The following RAD23B variants were observed in gnomAD, a reference collection of about 807,000 sequenced individuals.
RAD23B encodes the protein lysine-specific demethylase RAD23B.
RAD23B carries 5 observed loss-of-function variants against 49.1 expected under a neutral mutation model. The observed-to-expected ratio is 0.10, with a 90% CI of 0.05 to 0.21. The LOEUF is 0.21. Among genes scored for constraint, RAD23B ranks in the 10% least tolerant of loss-of-function variants. The probability of loss-of-function intolerance (pLI) is 1.00; values close to 1 mark genes in which losing one functional copy is unlikely to be tolerated. For missense variants in RAD23B, 356 were observed against 486.7 expected (o/e 0.73, Z 2.53); for synonymous variants, 184 against 165.4 (o/e 1.11, Z -0.86).
chr9:107,302,862 T>C (rs1826686426), intron 3 of RAD23B, among the ~76,000 whole-genome samples: 1 of 152,054 alleles, frequency 6.6e-6, no homozygotes, highest in Non-Finnish European at 1.5e-5. Flanking sequence ...TTCACCGTGT[T>C]AGCCAGGATG....
At chr9:107,287,727 A>G (rs140079074) in intron 1 of RAD23B, among the ~76,000 whole-genome samples, 2,180 of 150,068 alleles carry the variant, frequency 0.015, 40 homozygotes, top group Middle Eastern at 0.051. Flanking sequence ...CCAGCCACTT[A>G]GGAGGCTGAG....
At chr9:107,311,549 T>G (rs1378479476) in intron 4 of RAD23B, 133 bp from the exon 5 acceptor site, 2 of 642,806 alleles carry the variant, frequency 3.1e-6, no homozygotes, top group Non-Finnish European at 5.0e-6. Context: ...AGAGACAGTT[T>G]AAATACTGTA....
chr9:107,331,969 T>C lies in RAD23B; in HGVS notation c.*2313T>C. On this transcript the variant is annotated 3_prime_UTR_variant, in exon 10 of 10. Transcript: ENST00000358015. ...TAAGTAGCTATTTGACTTTGGAATT[T>C]TGCATTCGAGGTATACTGTCATTTC... 2.4e-6 allele frequency: 1 copy of C among 417,584 alleles called. No individual in the cohort carries two copies. The allele number at this position is 417,584 out of a possible 1,614,324, so 25.9% of individuals were successfully genotyped here.
At chr9:107,313,242 T>C (rs918557272) in intron 5 of RAD23B, among the ~76,000 whole-genome samples, 4 of 152,116 alleles carry the variant, frequency 2.6e-5, no homozygotes, top group African/African-American at 9.7e-5. Context: ...CCTTTCCTTT[T>C]CCTTTCGTAG....
At chr9:107,316,089 A>G (rs953862927) in intron 5 of RAD23B, among the ~76,000 whole-genome samples, 1 of 151,870 alleles carries the variant, frequency 6.6e-6, no homozygotes, top group African/African-American at 2.4e-5. Flanking sequence ...GGCTCACTGC[A>G]ATCTCCGCCT....
At position 107,329,725 on chromosome 9, in the gene RAD23B, G is replaced by A; in HGVS notation, c.*69G>A. On this transcript the variant is annotated 3_prime_UTR_variant, in exon 10 of 10. Transcript: ENST00000358015. ...CTAACTTGTTCACTGGATTGTCTGG[G>A]ATGACTTGGGCTCATATCCACAATA... 1 of 863,074 alleles carries A rather than the reference G, an allele frequency of 1.2e-6. No individual in the cohort carries two copies. Among genetic ancestry groups the A allele is most frequent in the Non-Finnish European group, 1.7e-6 (1 of 582,786 alleles). 53.5% of individuals were successfully genotyped at this position (863,074 alleles called of 1,614,324 possible). A position where few individuals can be genotyped will look rare whatever the true frequency, so the allele number is the denominator to read the frequency against.
chr9:107,325,712 C>A (rs932067356), intron 9 of RAD23B, among the ~76,000 whole-genome samples: 5 of 152,256 alleles, frequency 3.3e-5, no homozygotes, highest in Non-Finnish European at 4.4e-5. Context: ...TACTTCTTTT[C>A]CAATATGGAT....
At chr9:107,316,034 A>T (rs1826986468) in intron 5 of RAD23B, among the ~76,000 whole-genome samples, 1 of 147,480 alleles carries the variant, frequency 6.8e-6, no homozygotes, top group Non-Finnish European at 1.5e-5. Context: ...TTTTTTGGAG[A>T]CAGTCTTGCT....
intron 7 of RAD23B, among the ~76,000 whole-genome samples, chr9:107,323,332 C>G (rs545363384): frequency 6.6e-6 from 1 of 152,034 alleles, no homozygotes; most frequent in Admixed American, 6.6e-5. Flanking sequence ...TGGTAATAAC[C>G]GGAAGTCTTC....
intron 3 of RAD23B, among the ~76,000 whole-genome samples, chr9:107,304,055 AAGGG>A (rs749146618): frequency 3.9e-5 from 6 of 152,156 alleles, no homozygotes; most frequent in Non-Finnish European, 5.9e-5. Context: ...CAACTATGAA[AAGGG>A]AGGGAATGCT....
At chr9:107,317,083 C>T (rs1215317196) in intron 5 of RAD23B, among the ~76,000 whole-genome samples, 4 of 99,214 alleles carry the variant, frequency 4.0e-5, no homozygotes, top group African/African-American at 2.0e-4. Flanking sequence ...AGGGGTTTTG[C>T]GCACACGCGT....
chr9:107,315,449 A>T (rs1315262470), intron 5 of RAD23B, among the ~76,000 whole-genome samples: 1 of 152,146 alleles, frequency 6.6e-6, no homozygotes, highest in Non-Finnish European at 1.5e-5. Flanking sequence ...AAGGTTCTTC[A>T]TCACCACCTC....
intron 3 of RAD23B, among the ~76,000 whole-genome samples, chr9:107,303,951 C>G (rs1437997956): frequency 6.6e-6 from 1 of 152,154 alleles, no homozygotes; most frequent in African/African-American, 2.4e-5. Context: ...ATATTGCATA[C>G]AGTCCTTTTG....
At chr9:107,302,664 T>G (rs1213190296) in intron 3 of RAD23B, among the ~76,000 whole-genome samples, 1 of 151,028 alleles carries the variant, frequency 6.6e-6, no homozygotes, top group Non-Finnish European at 1.5e-5. Flanking sequence ...TGTTTTGTTT[T>G]TTTTTTTTTG....
intron 3 of RAD23B, among the ~76,000 whole-genome samples, chr9:107,302,792 A>G (rs1826684408): frequency 6.6e-6 from 1 of 151,814 alleles, no homozygotes; most frequent in Non-Finnish European, 1.5e-5. Context: ...AGTAGCTGGG[A>G]CTACAGGCGC....
chr9:107,298,747 C>A (rs1450663836), intron 1 of RAD23B, among the ~76,000 whole-genome samples: 1 of 150,622 alleles, frequency 6.6e-6, no homozygotes, highest in African/African-American at 2.4e-5. Context: ...ACTTTTTTTG[C>A]AAAAAATAAC....
chr9:107,294,497 G>C (rs1833448954), intron 1 of RAD23B, among the ~76,000 whole-genome samples: 1 of 152,188 alleles, frequency 6.6e-6, no homozygotes, highest in African/African-American at 2.4e-5. Flanking sequence ...AGTCATAATT[G>C]CATCTGTTGG....
chr9:107,290,037 C>T (rs546092298), intron 1 of RAD23B, among the ~76,000 whole-genome samples: 1 of 152,190 alleles, frequency 6.6e-6, no homozygotes, highest in Non-Finnish European at 1.5e-5. Flanking sequence ...TATGCAGCAC[C>T]TGACAGTCTT....
In RAD23B at chr9:107,329,850, C is replaced by T. The variant is rs868382717; in HGVS notation, c.*194C>T. ...CATGTCTGCTTCAATTAGCAGATGCCGCAACTCCACACAGTGTGTAAAATA... is the reference window on the plus strand; with the variant it reads ...CATGTCTGCTTCAATTAGCAGATGCTGCAACTCCACACAGTGTGTAAAATA... On this transcript the variant is annotated 3_prime_UTR_variant, in exon 10 of 10. Coordinates refer to ENST00000358015, the MANE Select transcript of RAD23B (RefSeq NM_002874.5). 1 of 381,700 alleles carries T rather than the reference C, an allele frequency of 2.6e-6. No homozygotes were observed. Among genetic ancestry groups the T allele is most frequent in the East Asian group, 3.8e-5 (1 of 26,628 alleles). 23.6% of individuals were successfully genotyped at this position (381,700 alleles called of 1,614,324 possible).
Sources: gnomAD v4.1 joint callset for allele counts (sites outside exome capture counted in the v4.1 genomes callset) on GRCh38, gnomAD v4.1.1 for gene constraint, MANE v1.5 for transcripts, NCBI Gene and HGNC (gene_info 2026-07-23, HGNC 2026-07-21) for gene names.